Variants in NECTIN2 observed in about 807,000 individuals in gnomAD.
NECTIN2 encodes the protein nectin cell adhesion molecule 2.
A neutral mutation model predicts 56.9 loss-of-function variants in NECTIN2; 23 were observed. The ratio of observed to expected loss-of-function variants is 0.40; its 90% CI spans 0.29 to 0.57. The LOEUF (loss-of-function observed/expected upper bound fraction) is 0.57, where lower values mean the gene tolerates loss of function less well. Among genes scored for constraint, NECTIN2 ranks in the 20% least tolerant of loss-of-function variants. The pLI is 0.38. For synonymous variants in NECTIN2, 302 were observed against 313.8 expected, an observed-to-expected ratio of 0.96 and a Z score of 0.40; for missense variants, 587 against 718.3, an observed-to-expected ratio of 0.82 and a Z score of 2.09.
In NECTIN2 at chr19:44,865,997, A is replaced by G. The variant is rs1423996799; in HGVS notation, c.478+337A>G. Among the ~76,000 whole-genome samples, 1 of 151,998 alleles carries G rather than the reference A, an allele frequency of 6.6e-6. No homozygotes were observed. Among genetic ancestry groups the G allele is most frequent in the Non-Finnish European group, 1.5e-5 (1 of 68,000 alleles). On this transcript the variant is annotated intron_variant, in intron 2 of 8. Transcript: ENST00000252483. This position sits in a 1 kb window ranked among gnomAD's most constrained non-coding sequence, Gnocchi z 5.2. ...AGACCAGCCTGGCCAACATGGTGAA[A>G]CCCTGTCTCTACGAAAAATAAAAAA...
chr19:44,887,004 A>T (rs1470109424), intron 8 of NECTIN2, among the ~76,000 whole-genome samples: 1 of 151,284 alleles, frequency 6.6e-6, no homozygotes, highest in African/African-American at 2.4e-5. Context: ...CATCAGGGTG[A>T]GACCCTATCT....
chr19:44,851,506 C>A (rs936138887), intron 1 of NECTIN2, among the ~76,000 whole-genome samples: 3 of 152,216 alleles, frequency 2.0e-5, no homozygotes, highest in African/African-American at 7.2e-5. Flanking sequence ...ACCCTCCTCG[C>A]TGCCTTGGTC....
chr19:44,858,183 C>T (rs1285970605), intron 1 of NECTIN2, among the ~76,000 whole-genome samples: 1 of 152,096 alleles, frequency 6.6e-6, no homozygotes, highest in East Asian at 1.9e-4. Flanking sequence ...GGGGTGGCCC[C>T]TCTGGACTGG....
chr19:44,886,333 G>A (rs1969361258), intron 8 of NECTIN2, 114 bp downstream of exon 8: 2 of 832,274 alleles, frequency 2.4e-6, no homozygotes, highest in Non-Finnish European at 1.9e-6. Context: ...TCAAGGGTGT[G>A]TCCCCGGTTG....
At position 44,865,396 on chromosome 19, in the gene NECTIN2, C is replaced by T. The variant is rs771223830; in HGVS notation, c.214C>T (p.Arg72Cys). 1.1e-5 allele frequency: 17 copies of T among 1,614,058 alleles called. No homozygotes were observed. The highest frequency in any genetic ancestry group is 2.2e-5 in the East Asian group (1 of 44,890). The change falls in exon 2 of 9, where the codon CGC (arginine) becomes TGC (cysteine). Residue 72 changes from arginine (R) to cysteine (C), a missense_variant. Physicochemically the swap from Arg to Cys is radical, Grantham distance 180. Coordinates refer to ENST00000252483, the MANE Select transcript of NECTIN2 (RefSeq NM_001042724.2). The surrounding 1 kb of genome is among the most constrained non-coding windows in gnomAD (Gnocchi z 5.2). ...GLYISLVTWQ[R>C]PDAPANHQNV... is the part of the protein sequence containing the mutation. ...GTACATCTCCCTGGTGACCTGGCAGCGCCCAGATGCACCTGCGAACCACCA... is the reference window on the plus strand; with the variant it reads ...GTACATCTCCCTGGTGACCTGGCAGTGCCCAGATGCACCTGCGAACCACCA...
At position 44,862,807 on chromosome 19, in the gene NECTIN2, G is replaced by A. The variant is rs1044176469; in HGVS notation, c.89-2464G>A. Among the ~76,000 whole-genome samples the A allele has an allele frequency of 3.9e-5, 6 of 152,110 alleles. No individual in the cohort carries two copies. The East Asian group carries it at 5.8e-4, about 15-fold the overall frequency. On this transcript the variant is annotated intron_variant, in intron 1 of 8. Transcript: ENST00000252483. Reference sequence around the variant, plus strand: ...ACACGGGTGGATCACGAGGTCAGGCGTTCGAGGCCAGCCTGGCCAACATAG... The same window carrying A: ...ACACGGGTGGATCACGAGGTCAGGCATTCGAGGCCAGCCTGGCCAACATAG...
At chr19:44,850,730 G>T (rs1968889790) in intron 1 of NECTIN2, among the ~76,000 whole-genome samples, 1 of 152,186 alleles carries the variant, frequency 6.6e-6, no homozygotes, top group Middle Eastern at 3.2e-3. Context: ...CCTACATCCT[G>T]GCTGCTGCAG....
intron 2 of NECTIN2, among the ~76,000 whole-genome samples, chr19:44,869,453 C>T (rs1599919479): frequency 1.3e-5 from 2 of 151,716 alleles, no homozygotes; most frequent in East Asian, 1.9e-4. Flanking sequence ...ATTAGCCGGG[C>T]GTGGTGGCGG....
intron 2 of NECTIN2, among the ~76,000 whole-genome samples, chr19:44,870,296 A>C (rs992763958): frequency 2.0e-5 from 3 of 152,110 alleles, no homozygotes; most frequent in African/African-American, 7.2e-5. Flanking sequence ...CTATTCTAAC[A>C]GCTTGGAGGG....
intron 1 of NECTIN2, among the ~76,000 whole-genome samples, chr19:44,847,853 C>T (rs953641708): frequency 6.6e-6 from 1 of 152,150 alleles, no homozygotes; most frequent in African/African-American, 2.4e-5. Context: ...CCTTATCCCC[C>T]GTCCCTCCCA....
chr19:44,862,945 G>C (rs1308346414), intron 1 of NECTIN2, among the ~76,000 whole-genome samples: 2 of 146,476 alleles, frequency 1.4e-5, no homozygotes, highest in African/African-American at 2.5e-5. Flanking sequence ...TCAGGAGATT[G>C]AGACCATCCT....
chr19:44,876,283 A>G (rs776155590), intron 5 of NECTIN2, among the ~76,000 whole-genome samples: 6 of 147,724 alleles, frequency 4.1e-5, no homozygotes, highest in Non-Finnish European at 7.4e-5. Flanking sequence ...CGAACTGGAA[A>G]TACACCCCTA....
intron 1 of NECTIN2, among the ~76,000 whole-genome samples, chr19:44,856,296 CA>C (rs1178748544): frequency 6.6e-6 from 1 of 152,086 alleles, no homozygotes; most frequent in Non-Finnish European, 1.5e-5. Flanking sequence ...GAATGTGTTT[CA>C]AAAAAATAAA....
At chr19:44,863,934 G>A (rs1341592382) in intron 1 of NECTIN2, among the ~76,000 whole-genome samples, 4 of 151,392 alleles carry the variant, frequency 2.6e-5, no homozygotes, top group Non-Finnish European at 5.9e-5. Context: ...GAGGGGGGAT[G>A]AAGACAATAC....
At chr19:44,854,927 C>T (rs1281043805) in intron 1 of NECTIN2, among the ~76,000 whole-genome samples, 1 of 151,084 alleles carries the variant, frequency 6.6e-6, no homozygotes, top group Non-Finnish European at 1.5e-5. Context: ...AGATCGAGAC[C>T]ATCCTGGTTA....
chr19:44,861,032 C>T (rs1435480326), intron 1 of NECTIN2, among the ~76,000 whole-genome samples: 1 of 151,216 alleles, frequency 6.6e-6, no homozygotes, highest in Non-Finnish European at 1.5e-5. Context: ...TACAGGCAGC[C>T]AACAAACATG....
chr19:44,867,924 G>A (rs1379653812), intron 2 of NECTIN2, among the ~76,000 whole-genome samples: 1 of 152,134 alleles, frequency 6.6e-6, no homozygotes, highest in African/African-American at 2.4e-5. Flanking sequence ...GTAGAAGGGA[G>A]CTGGGACGAG....
intron 8 of NECTIN2, among the ~76,000 whole-genome samples, chr19:44,886,717 G>A (rs113344533): frequency 2.7e-5 from 4 of 150,084 alleles, no homozygotes; most frequent in Admixed American, 6.6e-5. Flanking sequence ...GCAAGATTCC[G>A]TCTCAAAAAA....
At position 44,872,058 on chromosome 19, in the gene NECTIN2, G is replaced by C; in HGVS notation, c.684G>C (p.Ser228=). ...CCAGCCGCTTCACCTTGGTGCCCTC[G>C]GGCCGAGCAGATGGTGTCACGGTCA... The part of the protein sequence containing the change: ...TVTSRFTLVP[S]GRADGVTVTC... The change falls in exon 3 of 9, where the codon TCG becomes TCC. Residue 228 remains serine (S), a synonymous_variant. Transcript: ENST00000252483. 1.2e-6 allele frequency: 2 copies of C among 1,614,120 alleles called. No homozygotes were observed. The highest frequency in any genetic ancestry group is 1.7e-6 in the Non-Finnish European group (2 of 1,180,042).
Sources: gnomAD v4.1 joint callset for allele counts (sites outside exome capture counted in the v4.1 genomes callset) on GRCh38, gnomAD v4.1.1 for gene constraint, Gnocchi (gnomAD v3.1) non-coding constraint, MANE v1.5 for transcripts, NCBI Gene and HGNC (gene_info 2026-07-23, HGNC 2026-07-21) for gene names.